FTCD: variants seen among roughly 807,000 people sequenced by gnomAD.
FTCD encodes formimidoyltransferase-cyclodeaminase.
FTCD carries 76 observed loss-of-function variants against 62.9 expected under a neutral mutation model. The ratio of observed to expected loss-of-function variants is 1.21; its 90% confidence interval spans 1.00 to 1.46. The LOEUF (loss-of-function observed/expected upper bound fraction) is 1.46, where lower values mean the gene tolerates loss of function less well. Among genes scored for constraint, FTCD ranks in the 40% most tolerant of loss-of-function variants. FTCD has a pLI of 0.00. For missense variants in FTCD, 845 were observed against 751.3 expected (o/e 1.12, Z -1.46); for synonymous variants, 397 against 336.9 (o/e 1.18, Z -1.95).
chr21:46,155,453 A>G lies in FTCD; in HGVS notation c.54+17T>C. 1 of 1,607,800 alleles carries G rather than the reference A, an allele frequency of 6.2e-7. No individual in the cohort carries two copies. Among genetic ancestry groups the G allele is most frequent in the Non-Finnish European group, 8.5e-7 (1 of 1,175,270 alleles). On this transcript the variant is annotated intron_variant, in intron 1 of 13. Transcript: ENST00000397746. The stretch of plus-strand genomic sequence containing the variant: ...CCCCATCAGCCCTAGATGCTTGACC[A>G]GCTCCTCGGGCCTCACCTCCTGGTT...
At chr21:46,152,637 C>G in intron 3 of FTCD, 1 of 383,400 alleles carries the variant, frequency 2.6e-6, no homozygotes, top group Admixed American at 4.3e-5. Context: ...TGAAATTATT[C>G]TGCTCTAGAA....
At chr21:46,141,856 G>A (rs2079015595) in intron 10 of FTCD, among the ~76,000 whole-genome samples, 1 of 152,232 alleles carries the variant, frequency 6.6e-6, no homozygotes, top group Non-Finnish European at 1.5e-5. Context: ...AACCTGCCCG[G>A]TAATGAGAAG....
At chr21:46,136,509 G>A (rs764112694), downstream of FTCD, 13 of 1,612,118 alleles carry the variant, frequency 8.1e-6, no homozygotes, top group Admixed American at 2.0e-4. Flanking sequence ...CCCATGCACA[G>A]AACCAGGGCC....
rs2079345258 is a variant in FTCD, at chr21:46,153,241, A to T, written c.239-206T>A. Among the ~76,000 whole-genome samples, 3 of 152,286 alleles carry T rather than the reference A, an allele frequency of 2.0e-5. No individual in the cohort carries two copies. The South Asian group carries it at 6.2e-4, about 32-fold the overall frequency. Reference sequence around the variant, plus strand: ...GCGGCAGCACCAGCCCTCCCGGGACAACGGAAGTTCCCGCACCGTCCTCCC... The same window carrying T: ...GCGGCAGCACCAGCCCTCCCGGGACTACGGAAGTTCCCGCACCGTCCTCCC... On this transcript the variant is annotated intron_variant, in intron 2 of 13. Coordinates refer to ENST00000397746, the MANE Select transcript of FTCD (RefSeq NM_206965.2).
At chr21:46,137,388 A>C (rs2078894816) in intron 12 of FTCD, 54 bp from the exon 13 acceptor site, 1 of 1,339,786 alleles carries the variant, frequency 7.5e-7, no homozygotes, top group Non-Finnish European at 1.1e-6. Flanking sequence ...AAACTGCCGG[A>C]AGGAGGGTCT....
rs1414958605 is a variant in FTCD, at chr21:46,151,549, CG to C, written c.636+8del. 8 of 1,610,296 alleles carry C rather than the reference CG, an allele frequency of 5.0e-6. No homozygotes were observed. In the East Asian group the frequency reaches 6.7e-5, roughly 13 times the overall value. On this transcript the variant is annotated splice_region_variant and intron_variant, in intron 5 of 13. Transcript: ENST00000397746. ...GGTGGGGCTCCATGGGGTCAGTGAA[CG>C]GGGTCACCTGGTCCTTCCCGCGGCC...
chr21:46,138,754 G>T, intron 11 of FTCD, 108 bp from the exon 12 acceptor site: 1 of 1,443,512 alleles, frequency 6.9e-7, no homozygotes, highest in Non-Finnish European at 9.7e-7. Flanking sequence ...GCGATGGGAA[G>T]TCATTCCCAA....
At chr21:46,136,329 G>C (rs2078866360), downstream of FTCD, 1 of 998,762 alleles carries the variant, frequency 1.0e-6, no homozygotes, top group Non-Finnish European at 1.5e-6. Flanking sequence ...GCAGGGAGCT[G>C]AGGCAGGGAG....
At chr21:46,139,364 C>A (rs547193852) in intron 10 of FTCD, among the ~76,000 whole-genome samples, 76 of 152,306 alleles carry the variant, frequency 5.0e-4, no homozygotes, top group African/African-American at 1.5e-3. Flanking sequence ...CATGTCCCTG[C>A]CCCGGTCACA....
rs2079320099 is a variant in FTCD, at chr21:46,152,656, C to T, written c.367+251G>A. 2.5e-5 allele frequency: 11 copies of T among 447,292 alleles called. 1 individual carries two copies. The South Asian group carries it at 5.3e-4, about 22-fold the overall frequency. 27.7% of individuals were successfully genotyped at this position (447,292 alleles called of 1,614,324 possible). A position where few individuals can be genotyped will look rare whatever the true frequency, so the allele number is the denominator to read the frequency against. On this transcript the variant is annotated intron_variant, in intron 3 of 13. Transcript: ENST00000397746. ...ATTATTCTGCTCTAGAAGGCGTGGA[C>T]TTTAAGGCTCTTGGTTTGCCTGTGC...
rs3057182 is a variant in FTCD at position 46,147,942 on chromosome 21, CAAAA to C, written c.907-1619_907-1616del. Reference sequence around the variant, plus strand: ...TGGGTGACAAAGTGAGGCTCCATCTCAAAAAAAAAAAAAAAAAAGAAGAAGACAA... The same window carrying C: ...TGGGTGACAAAGTGAGGCTCCATCTCAAAAAAAAAAAAAAGAAGAAGACAA... On this transcript the variant is annotated intron_variant, in intron 7 of 13. Transcript: ENST00000397746. Among the ~76,000 whole-genome samples the C allele has an allele frequency of 2.8e-3, 273 of 96,182 alleles. 1 individual carries two copies. Among genetic ancestry groups the C allele is most frequent in the East Asian group, 0.02 (55 of 2,766 alleles). 63.1% of individuals were successfully genotyped at this position (96,182 alleles called of 152,430 possible).
In FTCD at chr21:46,138,909, G is replaced by A. The variant is rs200850556; in HGVS notation, c.1275C>T (p.Leu425=). 55 of 1,613,132 alleles carry A rather than the reference G, an allele frequency of 3.4e-5. No homozygotes were observed. In the African/African-American group the frequency reaches 6.4e-4, roughly 19 times the overall value. The stretch of plus-strand genomic sequence containing the variant: ...CCTTTTCCTCAGGTGTGTTCTTGGG[G>A]AGCCTCATTGCTTCCTGCCATAAAG... ...AFTAYLEAMR[L]PKNTPEEKDR... The change falls in exon 11 of 14, where the codon CTC becomes CTT. Residue 425 remains leucine, a synonymous_variant. Coordinates refer to ENST00000397746, the MANE Select transcript of FTCD (RefSeq NM_206965.2).
At chr21:46,155,374 G>A (rs935492942) in intron 1 of FTCD, 96 bp downstream of exon 1, 7 of 1,053,904 alleles carry the variant, frequency 6.6e-6, no homozygotes, top group South Asian at 1.3e-5. Context: ...AAGACGACCC[G>A]GGACACCAAG....
chr21:46,137,361 A>C, intron 12 of FTCD, 27 bp from the exon 13 acceptor site: 6 of 1,554,126 alleles, frequency 3.9e-6, no homozygotes, highest in South Asian at 1.1e-5. Flanking sequence ...GAGCCCCTAC[A>C]TGGATCAAGG....
At chr21:46,146,790 C>T (rs1041233383) in intron 7 of FTCD, 1 of 173,070 alleles carries the variant, frequency 5.8e-6, no homozygotes, top group Non-Finnish European at 1.2e-5. Flanking sequence ...GTGAGTTTTA[C>T]CTAAATTCAA....
intron 7 of FTCD, among the ~76,000 whole-genome samples, chr21:46,149,564 G>A (rs2079219171): frequency 6.6e-6 from 1 of 152,096 alleles, no homozygotes. Flanking sequence ...AAGGCGGACA[G>A]CGGCTCTGCA....
rs2078876590 is a variant in FTCD at position 46,136,829 on chromosome 21, C to A, written c.*158G>T. Reference sequence around the variant, plus strand: ...TCACATGGGACTAGGGGCCTTCTGTCCCTGCCAGCGCCTCCATTCCCAGGC... The same window carrying A: ...TCACATGGGACTAGGGGCCTTCTGTACCTGCCAGCGCCTCCATTCCCAGGC... On this transcript the variant is annotated 3_prime_UTR_variant, in exon 14 of 14. Coordinates refer to ENST00000397746, the MANE Select transcript of FTCD (RefSeq NM_206965.2). 6.5e-7 allele frequency: 1 copy of A among 1,549,374 alleles called. No individual in the cohort carries two copies.
intron 10 of FTCD, chr21:46,142,503 T>C (rs11908960): frequency 0.14 from 20,064 of 144,972 alleles, 1,785 homozygotes; most frequent in African/African-American, 0.2. Context: ...TTACAGCTCT[T>C]ACAGGTGGCG....
At chr21:46,142,725 G>A (rs565761943) in intron 10 of FTCD, 12 of 152,352 alleles carry the variant, frequency 7.9e-5, no homozygotes, top group African/African-American at 2.4e-4. Context: ...TGGTTTCGGT[G>A]GCCAGCTTTT....
Sources: allele counts gnomAD v4.1 joint callset (sites outside exome capture counted in the v4.1 genomes callset), GRCh38; gene constraint gnomAD v4.1.1; transcripts MANE v1.5; gene names NCBI Gene and HGNC (gene_info 2026-07-23, HGNC 2026-07-21).